PIAS2: variants seen among roughly 807,000 people sequenced by gnomAD.
The protein encoded by PIAS2 is E3 SUMO-protein ligase PIAS2.
A neutral mutation model predicts 69.7 loss-of-function variants in PIAS2; 19 were observed. That is an observed-to-expected ratio of 0.27 (90% CI 0.19 to 0.40). The LOEUF (loss-of-function observed/expected upper bound fraction) is 0.40. Among genes scored for constraint, PIAS2 ranks in the 10% least tolerant of loss-of-function variants. The pLI, the probability that PIAS2 is intolerant of heterozygous loss-of-function variation, is 1.00. For synonymous variants in PIAS2, 261 were observed against 263.2 expected (o/e 0.99, Z 0.08); for missense variants, 624 against 757.0 (o/e 0.82, Z 2.06).
chr18:46,833,423 G>T (rs1175235033), intron 9 of PIAS2, among the ~76,000 whole-genome samples: 2 of 152,048 alleles, frequency 1.3e-5, no homozygotes, highest in African/African-American at 4.8e-5. Context: ...AAAACTTTAG[G>T]TGTGATGGGT....
chr18:46,863,261 T>C (rs114378248), intron 3 of PIAS2, among the ~76,000 whole-genome samples: 121 of 152,300 alleles, frequency 7.9e-4, no homozygotes, highest in Middle Eastern at 6.8e-3. Flanking sequence ...CAGTTTGGAA[T>C]GATAAAGCTT....
At chr18:46,888,788 G>A (rs764610138) in intron 2 of PIAS2, among the ~76,000 whole-genome samples, 8 of 152,056 alleles carry the variant, frequency 5.3e-5, no homozygotes, top group Non-Finnish European at 8.8e-5. Flanking sequence ...GTGGAGCTCA[G>A]GCTGTAATGC....
intron 2 of PIAS2, among the ~76,000 whole-genome samples, chr18:46,883,608 G>A (rs1208337264): frequency 1.3e-5 from 2 of 152,082 alleles, no homozygotes; most frequent in East Asian, 1.9e-4. Context: ...GGAAGCTGAG[G>A]CAGGCAGCTC....
intron 11 of PIAS2, 24 bp from the exon 12 acceptor site, chr18:46,821,096 T>TACAAACAA (rs779078174): frequency 6.2e-7 from 1 of 1,611,812 alleles, no homozygotes. Flanking sequence ...CACGGGAAAT[T>TACAAACAA]ACAAACAATC....
At chr18:46,821,646 T>A (rs2042195131) in intron 11 of PIAS2, among the ~76,000 whole-genome samples, 1 of 152,076 alleles carries the variant, frequency 6.6e-6, no homozygotes, top group African/African-American at 2.4e-5. Flanking sequence ...CGAGGATGAG[T>A]GTTCAGGATT....
At chr18:46,888,166 A>C (rs1295312261) in intron 2 of PIAS2, among the ~76,000 whole-genome samples, 1 of 152,154 alleles carries the variant, frequency 6.6e-6, no homozygotes. Flanking sequence ...CCTGTACAAT[A>C]ACAACTATAA....
intron 2 of PIAS2, among the ~76,000 whole-genome samples, chr18:46,879,406 G>C (rs895920071): frequency 1.3e-5 from 2 of 151,910 alleles, no homozygotes; most frequent in African/African-American, 2.4e-5. Flanking sequence ...AGTAATAATA[G>C]TAAGTGCAGA....
At chr18:46,860,334 C>T (rs1312156575) in intron 3 of PIAS2, among the ~76,000 whole-genome samples, 8 of 152,144 alleles carry the variant, frequency 5.3e-5, no homozygotes, top group African/African-American at 1.4e-4. Context: ...AGCAATCATC[C>T]GAATCCAGAA....
rs927549495 is a variant in PIAS2, at chr18:46,804,550, C to T, written c.*7883G>A. The T allele has an allele frequency of 2.0e-5, 3 of 152,196 alleles. No homozygotes were observed. Among genetic ancestry groups the T allele is most frequent in the Admixed American group, 6.5e-5 (1 of 15,276 alleles). The allele number at this position is 152,196 out of a possible 1,614,324, so 9.4% of individuals were successfully genotyped here. On this transcript the variant is annotated 3_prime_UTR_variant, in exon 14 of 14. Coordinates refer to ENST00000585916, the MANE Select transcript of PIAS2 (RefSeq NM_004671.5). The stretch of plus-strand genomic sequence containing the variant: ...CATCACTGTTTTACAAGGCCCTTCA[C>T]GATCTATCTATGCATATTTCTCAAT...
At chr18:46,902,299 G>C (rs1395759206) in intron 1 of PIAS2, among the ~76,000 whole-genome samples, 1 of 151,426 alleles carries the variant, frequency 6.6e-6, no homozygotes, top group Non-Finnish European at 1.5e-5. Context: ...GCTCACGCCT[G>C]TAATCTCAGC....
At chr18:46,823,966 T>C (rs1173127899) in intron 11 of PIAS2, among the ~76,000 whole-genome samples, 1 of 152,210 alleles carries the variant, frequency 6.6e-6, no homozygotes, top group Non-Finnish European at 1.5e-5. Flanking sequence ...AAATGATGGA[T>C]GTAAAAATGT....
chr18:46,892,306 T>C (rs561015760), intron 1 of PIAS2, among the ~76,000 whole-genome samples: 1 of 152,182 alleles, frequency 6.6e-6, no homozygotes. Flanking sequence ...AAGTAATCCA[T>C]ATACACTGTC....
chr18:46,849,290 A>G (rs1265748507), intron 5 of PIAS2, among the ~76,000 whole-genome samples: 1 of 152,150 alleles, frequency 6.6e-6, no homozygotes, highest in Non-Finnish European at 1.5e-5. Flanking sequence ...CTTTACTGGT[A>G]ATTCTGAGTT....
At chr18:46,813,966 G>A (rs1165140087) in intron 13 of PIAS2, among the ~76,000 whole-genome samples, 2 of 152,046 alleles carry the variant, frequency 1.3e-5, no homozygotes, top group East Asian at 3.9e-4. Context: ...ACTAAAACTG[G>A]GGGGTAAATC....
intron 2 of PIAS2, among the ~76,000 whole-genome samples, chr18:46,874,275 C>T (rs142980071): frequency 6.6e-6 from 1 of 152,300 alleles, no homozygotes; most frequent in East Asian, 1.9e-4. Flanking sequence ...AAAGTATCTA[C>T]AAGTAATACT....
chr18:46,817,686 A>T, intron 12 of PIAS2: 1 of 951,740 alleles, frequency 1.1e-6, no homozygotes, highest in Non-Finnish European at 1.3e-6. Context: ...TTGTTTACCA[A>T]GCATTACAAG....
At chr18:46,901,914 T>A (rs1240483257) in intron 1 of PIAS2, among the ~76,000 whole-genome samples, 1 of 152,170 alleles carries the variant, frequency 6.6e-6, no homozygotes, top group African/African-American at 2.4e-5. Flanking sequence ...TACTAAAAGT[T>A]CTAGCTAGCA....
At chr18:46,916,989 A>G in intron 1 of PIAS2, 1 of 986,212 alleles carries the variant, frequency 1.0e-6, no homozygotes, top group Non-Finnish European at 1.2e-6. Context: ...GTTGCTTCCC[A>G]CATCGGCCCT....
At chr18:46,823,405 C>T (rs2042410757) in intron 11 of PIAS2, among the ~76,000 whole-genome samples, 3 of 152,228 alleles carry the variant, frequency 2.0e-5, no homozygotes, top group Non-Finnish European at 4.4e-5. Flanking sequence ...ATTGCCCTTT[C>T]AACTTGAAAT....
Sources: gnomAD v4.1 joint callset for allele counts (sites outside exome capture counted in the v4.1 genomes callset) on GRCh38, gnomAD v4.1.1 for gene constraint, MANE v1.5 for transcripts, NCBI Gene and HGNC (gene_info 2026-07-23, HGNC 2026-07-21) for gene names.